PLCB1: variants seen among roughly 807,000 people sequenced by gnomAD.
The protein encoded by PLCB1 is 1-phosphatidylinositol 4,5-bisphosphate phosphodiesterase beta-1.
PLCB1 carries 46 observed loss-of-function variants against 161.8 expected under a neutral mutation model. That is an observed-to-expected ratio of 0.28 (90% CI 0.22 to 0.36). PLCB1 has a LOEUF of 0.36. Among genes scored for constraint, PLCB1 ranks in the 10% least tolerant of loss-of-function variants. The pLI, the probability that PLCB1 is intolerant of heterozygous loss-of-function variation, is 1.00. For synonymous variants in PLCB1, 517 were observed against 503.7 expected, an observed-to-expected ratio of 1.03 and a Z score of -0.35; for missense variants, 1,016 against 1,472.5, an observed-to-expected ratio of 0.69 and a Z score of 5.07.
chr20:8,162,476 C>T (rs1037176384), intron 2 of PLCB1, among the ~76,000 whole-genome samples: 1 of 152,170 alleles, frequency 6.6e-6, no homozygotes, highest in Admixed American at 6.5e-5. Flanking sequence ...CTCAACTGGG[C>T]AAACCAGAGA....
At chr20:8,712,205 G>A (rs1474928201) in intron 12 of PLCB1, among the ~76,000 whole-genome samples, 1 of 152,036 alleles carries the variant, frequency 6.6e-6, no homozygotes, top group Non-Finnish European at 1.5e-5. Context: ...TGAGGCAGGA[G>A]AATCGCTTGA....
At chr20:8,522,337 G>T (rs1041952601) in intron 3 of PLCB1, among the ~76,000 whole-genome samples, 1 of 151,996 alleles carries the variant, frequency 6.6e-6, no homozygotes, top group African/African-American at 2.4e-5. Context: ...TGCTTCTAGG[G>T]GAAACCAATT....
intron 31 of PLCB1, among the ~76,000 whole-genome samples, chr20:8,790,995 A>G (rs1983731430): frequency 6.6e-6 from 1 of 152,128 alleles, no homozygotes; most frequent in Admixed American, 6.6e-5. Context: ...TATCTACTCT[A>G]AAAAGTACTG....
intron 31 of PLCB1, among the ~76,000 whole-genome samples, chr20:8,831,943 T>TG (rs1491475923): frequency 9.7e-6 from 1 of 103,020 alleles, no homozygotes; most frequent in Non-Finnish European, 2.1e-5. Context: ...TCTTTCTTTC[T>TG]TTCTTTCTTT....
chr20:8,769,044 C>A (rs546162726), intron 26 of PLCB1, among the ~76,000 whole-genome samples: 12 of 152,210 alleles, frequency 7.9e-5, no homozygotes, highest in African/African-American at 2.9e-4. Context: ...ACATAAAAAT[C>A]TTTTCTTCAA....
chr20:8,177,738 T>C (rs1487690435), intron 2 of PLCB1, among the ~76,000 whole-genome samples: 1 of 152,162 alleles, frequency 6.6e-6, no homozygotes, highest in East Asian at 1.9e-4. Flanking sequence ...GTTGGTTCTA[T>C]AGAAAAATTA....
At chr20:8,304,185 A>T (rs1233738028) in intron 2 of PLCB1, among the ~76,000 whole-genome samples, 1 of 152,130 alleles carries the variant, frequency 6.6e-6, no homozygotes, top group Non-Finnish European at 1.5e-5. Flanking sequence ...GTAGCCTGCA[A>T]TTTTTATGGA....
chr20:8,134,331 G>A (rs2051322521), intron 1 of PLCB1, among the ~76,000 whole-genome samples: 1 of 152,182 alleles, frequency 6.6e-6, no homozygotes, highest in South Asian at 2.1e-4. Context: ...AGAGAGTGAA[G>A]GGCAGAGGAA....
At chr20:8,532,780 G>T (rs1984864653) in intron 3 of PLCB1, among the ~76,000 whole-genome samples, 4 of 152,140 alleles carry the variant, frequency 2.6e-5, no homozygotes, top group Admixed American at 2.6e-4. Flanking sequence ...AGGAAAAAAG[G>T]CAGGAAGGCA....
At chr20:8,180,963 GTGTGTGTA>G (rs2051835364) in intron 2 of PLCB1, among the ~76,000 whole-genome samples, 1 of 137,690 alleles carries the variant, frequency 7.3e-6, no homozygotes, top group Non-Finnish European at 1.6e-5. Context: ...GTGTGTGTGT[GTGTGTGTA>G]TGTATGTGTG....
intron 4 of PLCB1, among the ~76,000 whole-genome samples, chr20:8,629,798 CTTTT>C (rs1568535783): frequency 5.9e-5 from 4 of 67,934 alleles, no homozygotes; most frequent in Non-Finnish European, 9.9e-5. Flanking sequence ...TCCTTTCTTT[CTTTT>C]CTTTCTTTTC....
rs147892048 is a variant in PLCB1, at chr20:8,458,995, A to C, written c.246+87545A>C. 2.6e-3 allele frequency among the ~76,000 whole-genome samples: 402 copies of C among 152,344 alleles called. 2 individuals carry two copies. The highest frequency in any genetic ancestry group is 9.1e-3 in the African/African-American group (380 of 41,588). On this transcript the variant is annotated intron_variant, in intron 3 of 31. Coordinates refer to ENST00000338037, the MANE Select transcript of PLCB1 (RefSeq NM_015192.4). ...AATTGCTTGTCAGACTTTTACATAG[A>C]GGTGCAGGGTGATACTGATGCCATT...
chr20:8,861,016 T>C (rs1012439741), intron 31 of PLCB1, among the ~76,000 whole-genome samples: 2 of 152,208 alleles, frequency 1.3e-5, no homozygotes, highest in African/African-American at 4.8e-5. Flanking sequence ...TACTGATTTA[T>C]TAAATAAATA....
intron 2 of PLCB1, among the ~76,000 whole-genome samples, chr20:8,187,361 A>T (rs931902297): frequency 3.9e-5 from 6 of 152,002 alleles, no homozygotes; most frequent in Non-Finnish European, 7.4e-5. Flanking sequence ...AGTCACCTGT[A>T]GCTCTTCCTC....
chr20:8,548,178 A>G (rs1488233222), intron 3 of PLCB1, among the ~76,000 whole-genome samples: 1 of 127,290 alleles, frequency 7.9e-6, no homozygotes, highest in African/African-American at 3.0e-5. Context: ...TTCCTTTCTC[A>G]CCATTAGCTT....
chr20:8,858,574 T>C (rs1307370101), intron 31 of PLCB1, among the ~76,000 whole-genome samples: 2 of 152,134 alleles, frequency 1.3e-5, no homozygotes, highest in Non-Finnish European at 2.9e-5. Flanking sequence ...GTAGGCTCTC[T>C]ACAGTGTGAG....
At chr20:8,618,056 A>G (rs1988081491) in intron 3 of PLCB1, among the ~76,000 whole-genome samples, 1 of 152,176 alleles carries the variant, frequency 6.6e-6, no homozygotes, top group Non-Finnish European at 1.5e-5. Context: ...TATTTCATGC[A>G]TTAAATATCT....
chr20:8,371,399 T>A lies in PLCB1; in HGVS notation c.195T>A (p.Asp65Glu). 2 of 1,613,572 alleles carry A rather than the reference T, an allele frequency of 1.2e-6. No individual in the cohort carries two copies. Among genetic ancestry groups the A allele is most frequent in the South Asian group, 2.2e-5 (2 of 91,016 alleles). ...CCTTCCAGGAGACAGAGCTACTGGA[T>A]CTCAGCCTTGTCAAAGATGCCAGAT... The part of the protein sequence containing the change: ...TDQNKETELL[D>E]LSLVKDARCG... Residue 65 changes from aspartate to glutamate, a missense_variant, in exon 3 of 32, where the codon GAT becomes GAA. Physicochemically the swap from Asp to Glu is conservative, Grantham distance 45. This residue lies in a region of PLCB1 where 181 missense variants were observed against 236.7 expected (regional missense o/e 0.76). Transcript: ENST00000338037.
chr20:8,364,129 T>G lies in PLCB1; in HGVS notation c.178-7253T>G, dbSNP rs116805147. 8.9e-3 allele frequency among the ~76,000 whole-genome samples: 1,348 copies of G among 152,200 alleles called. 20 individuals carry two copies. The highest frequency in any genetic ancestry group is 0.03 in the African/African-American group (1,234 of 41,514). On this transcript the variant is annotated intron_variant, in intron 2 of 31. Transcript: ENST00000338037. ...AGTGCATTAAGAGAGATTGTCTGGG[T>G]TTTTTTGGTTCGGTATCTTCCTGTA... is the stretch of plus-strand genomic sequence containing the variant.
Sources: allele counts gnomAD v4.1 joint callset (sites outside exome capture counted in the v4.1 genomes callset), GRCh38; gene constraint gnomAD v4.1.1; regional missense constraint gnomAD v4.1.1; transcripts MANE v1.5; gene names NCBI Gene and HGNC (gene_info 2026-07-23, HGNC 2026-07-21).